FAM200B: variants seen among roughly 807,000 people sequenced by gnomAD.
FAM200B encodes protein FAM200B.
In FAM200B, 32 loss-of-function variants were observed where a neutral mutation model predicts 33.1. The ratio of observed to expected loss-of-function variants is 0.97; its 90% CI spans 0.73 to 1.30. The LOEUF (loss-of-function observed/expected upper bound fraction) is 1.30. Among genes scored for constraint, FAM200B ranks in the 50% most tolerant of loss-of-function variants. FAM200B has a pLI of 0.00. For missense variants in FAM200B, 741 were observed against 754.0 expected, an observed-to-expected ratio of 0.98 and a Z score of 0.20; for synonymous variants, 240 against 264.8, an observed-to-expected ratio of 0.91 and a Z score of 0.91.
the FAM200B span, among the ~76,000 whole-genome samples, chr4:15,647,457 G>A: frequency 3.9e-5 from 6 of 152,014 alleles, no homozygotes; most frequent in African/African-American, 9.7e-5. Flanking sequence ...TGGGTGTCCT[G>A]AAAACAATCT....
At chr4:15,666,790 C>G in the FAM200B span, among the ~76,000 whole-genome samples, 1 of 152,014 alleles carries the variant, frequency 6.6e-6, no homozygotes, top group East Asian at 1.9e-4. Flanking sequence ...CAATGCACTC[C>G]AGCCTGGGTG....
chr4:15,646,268 T>C, the FAM200B span, among the ~76,000 whole-genome samples: 2 of 152,214 alleles, frequency 1.3e-5, no homozygotes, highest in Non-Finnish European at 2.9e-5. Context: ...TATTCTTCTT[T>C]TGATTTTTTC....
the FAM200B span, chr4:15,641,635 TAA>T: frequency 2.2e-6 from 1 of 455,556 alleles, no homozygotes; most frequent in South Asian, 1.6e-5. Flanking sequence ...AGGCTGTAAG[TAA>T]AGTTTTGAGA....
chr4:15,685,916 G>A (rs1451426758), intron 1 of FAM200B, among the ~76,000 whole-genome samples: 1 of 152,126 alleles, frequency 6.6e-6, no homozygotes, highest in African/African-American at 2.4e-5. Context: ...GATAGGTGCG[G>A]CCAAGCAAAA....
In FAM200B at chr4:15,688,610, C is replaced by A. The variant is rs6449160; in HGVS notation, c.1633C>A (p.His545Asn). 0.99 allele frequency: 1,532,682 copies of A among 1,551,330 alleles called. 757,150 individuals carry two copies. Among genetic ancestry groups the A allele is most frequent in the East Asian group, 1 (40,898 of 40,898 alleles). The change falls in exon 2 of 2, where the codon CAC becomes AAC. Residue 545 changes from histidine (H) to asparagine (N), a missense_variant. Transcript: ENST00000422728. ...SWVKDPFAFR[H>N]PESIIELNLV... ...GGTAAAAGATCCATTTGCTTTTCGACACCCTGAATCAATAATTGAGCTAAA... is the reference window on the plus strand; with the variant it reads ...GGTAAAAGATCCATTTGCTTTTCGAAACCCTGAATCAATAATTGAGCTAAA...
chr4:15,675,284 T>C, the FAM200B span, among the ~76,000 whole-genome samples: 1 of 152,138 alleles, frequency 6.6e-6, no homozygotes, highest in Admixed American at 6.5e-5. Context: ...ATAAGACAAG[T>C]AGAAATTAAT....
Position 15,688,322 on chromosome 4 carries a change from A to G in FAM200B, c.1345A>G (p.Lys449Glu), listed in dbSNP as rs1475085637. ...TGAACTGAGTTTAAAACTACAGGGGAAAAACAGTGATGTATTCCAACATGT... is the reference window on the plus strand; with the variant it reads ...TGAACTGAGTTTAAAACTACAGGGGGAAAACAGTGATGTATTCCAACATGT... ...LNELSLKLQG[K>E]NSDVFQHVER... The change falls in exon 2 of 2, where the codon AAA becomes GAA. Residue 449 changes from lysine (K) to glutamate (E), a missense_variant. By Grantham distance (56) the Lys-to-Glu change is moderately conservative (BLOSUM62 1). Transcript: ENST00000422728. 1.4e-5 allele frequency: 21 copies of G among 1,550,066 alleles called. No homozygotes were observed. The East Asian group carries it at 3.7e-4, about 27-fold the overall frequency.
chr4:15,658,765 A>G, the FAM200B span, among the ~76,000 whole-genome samples: 1 of 152,226 alleles, frequency 6.6e-6, no homozygotes, highest in Non-Finnish European at 1.5e-5. Flanking sequence ...AGACAGGCAC[A>G]TACAGGATGA....
Position 15,688,303 on chromosome 4 carries a change from GAGTTTAA to G in FAM200B, c.1328_1334del (p.Ser443AsnfsTer28). The G allele has an allele frequency of 6.5e-7, 1 of 1,549,832 alleles. No homozygotes were observed. The highest frequency in any genetic ancestry group is 1.2e-5 in the South Asian group (1 of 84,012). The stretch of plus-strand genomic sequence containing the variant: ...ATATTTTTAGCATTCTTAATGAACT[GAGTTTAA>G]AACTACAGGGGAAAAACAGTGATGT... On this transcript the variant is annotated frameshift_variant, in exon 2 of 2. Transcript: ENST00000422728. LOFTEE classifies it high-confidence loss of function.
chr4:15,650,056 T>C, the FAM200B span, among the ~76,000 whole-genome samples: 1 of 152,148 alleles, frequency 6.6e-6, no homozygotes, highest in Non-Finnish European at 1.5e-5. Flanking sequence ...GGCAGTAATT[T>C]TGCCACCCCA....
At chr4:15,682,869 A>G (rs546663348) in intron 1 of FAM200B, among the ~76,000 whole-genome samples, 91 of 152,354 alleles carry the variant, frequency 6.0e-4, no homozygotes, top group African/African-American at 1.9e-3. Flanking sequence ...AAGAATTTCC[A>G]TACTTTTAGT....
At chr4:15,660,658 C>T in the FAM200B span, among the ~76,000 whole-genome samples, 55 of 152,298 alleles carry the variant, frequency 3.6e-4, no homozygotes, top group African/African-American at 1.2e-3. Context: ...TGGTCTGGGA[C>T]ACTTTTGAGT....
chr4:15,660,756 T>C, the FAM200B span, among the ~76,000 whole-genome samples: 9 of 152,282 alleles, frequency 5.9e-5, no homozygotes, highest in Non-Finnish European at 1.2e-4. Context: ...TTAAGGGAAA[T>C]CTGTCACCAG....
the FAM200B span, among the ~76,000 whole-genome samples, chr4:15,668,025 G>A: frequency 7.1e-6 from 1 of 140,682 alleles, no homozygotes; most frequent in Non-Finnish European, 1.5e-5. Flanking sequence ...TGGGCAACAA[G>A]AGCAAAACTC....
chr4:15,665,294 A>T, the FAM200B span, among the ~76,000 whole-genome samples: 1 of 151,906 alleles, frequency 6.6e-6, no homozygotes, highest in Admixed American at 6.6e-5. Context: ...AGAGCCCCCT[A>T]CCTCCCTGGG....
the FAM200B span, among the ~76,000 whole-genome samples, chr4:15,639,904 G>A: frequency 3.9e-5 from 6 of 152,090 alleles, no homozygotes; most frequent in East Asian, 1.9e-4. Flanking sequence ...CAGGTATTCC[G>A]TTCCTCATAA....
the FAM200B span, among the ~76,000 whole-genome samples, chr4:15,651,290 T>C: frequency 4.6e-5 from 7 of 152,164 alleles, no homozygotes; most frequent in Non-Finnish European, 1.0e-4. Flanking sequence ...GCAAAACCCA[T>C]GGGCTTCCGA....
At chr4:15,647,473 A>C in the FAM200B span, among the ~76,000 whole-genome samples, 4 of 152,160 alleles carry the variant, frequency 2.6e-5, no homozygotes, top group Non-Finnish European at 5.9e-5. Flanking sequence ...AATCTCCCAC[A>C]AAATAGGAGG....
chr4:15,675,556 C>A, the FAM200B span, among the ~76,000 whole-genome samples: 1 of 149,420 alleles, frequency 6.7e-6, no homozygotes, highest in South Asian at 2.1e-4. Context: ...CTTAACTTCT[C>A]GGTCACAAAA....
Sources: allele counts gnomAD v4.1 joint callset (sites outside exome capture counted in the v4.1 genomes callset), GRCh38; gene constraint gnomAD v4.1.1; transcripts MANE v1.5; gene names NCBI Gene and HGNC (gene_info 2026-07-23, HGNC 2026-07-21).